Variants in UBA6 observed in about 807,000 individuals in gnomAD.
UBA6 encodes ubiquitin-like modifier-activating enzyme 6.
UBA6 carries 87 observed loss-of-function variants against 148.3 expected under a neutral mutation model. The observed-to-expected ratio is 0.59, with a 90% CI of 0.49 to 0.70. The LOEUF (loss-of-function observed/expected upper bound fraction) is 0.70, where lower values mean the gene tolerates loss of function less well. Among genes scored for constraint, UBA6 ranks in the 30% least tolerant of loss-of-function variants. UBA6 has a pLI of 0.00. For missense variants in UBA6, 1,186 were observed against 1,241.2 expected, an observed-to-expected ratio of 0.96 and a Z score of 0.67; for synonymous variants, 376 against 401.0, an observed-to-expected ratio of 0.94 and a Z score of 0.75.
intron 2 of UBA6, among the ~76,000 whole-genome samples, chr4:67,696,310 T>C (rs1560505081): frequency 6.6e-6 from 1 of 151,964 alleles, no homozygotes; most frequent in African/African-American, 2.4e-5. Context: ...CTAAAACAAC[T>C]GAGATTTAAA....
At chr4:67,632,225 C>A (rs1469646362) in intron 23 of UBA6, among the ~76,000 whole-genome samples, 1 of 152,158 alleles carries the variant, frequency 6.6e-6, no homozygotes, top group African/African-American at 2.4e-5. Flanking sequence ...TTTTACATGT[C>A]ATTCTGTTCT....
chr4:67,675,234 G>C (rs1490345478), intron 6 of UBA6, among the ~76,000 whole-genome samples: 1 of 152,106 alleles, frequency 6.6e-6, no homozygotes, highest in African/African-American at 2.4e-5. Context: ...TCTATTCACT[G>C]TTTAATCTAT....
intron 2 of UBA6, among the ~76,000 whole-genome samples, chr4:67,694,171 G>A (rs184920691): frequency 2.5e-5 from 3 of 122,152 alleles, no homozygotes; most frequent in East Asian, 2.7e-4. Context: ...AGCCGAGATC[G>A]CGCCACTGCA....
chr4:67,616,854 C>T lies in UBA6; in HGVS notation c.*2143G>A, dbSNP rs748510459. ...AATAAGTAAAAAATACTCATTGAAA[C>T]TGTACAAAAATCAAATCATTAATTT... is the stretch of plus-strand genomic sequence containing the variant. On this transcript the variant is annotated 3_prime_UTR_variant, in exon 33 of 33. Transcript: ENST00000322244. 2 of 152,104 alleles carry T rather than the reference C, an allele frequency of 1.3e-5. No homozygotes were observed. The highest frequency in any genetic ancestry group is 2.9e-5 in the Non-Finnish European group (2 of 67,968). The allele number at this position is 152,104 out of a possible 1,614,324, so 9.4% of individuals were successfully genotyped here.
chr4:67,631,815 TAATA>T, intron 24 of UBA6, 38 bp downstream of exon 24: 1 of 1,609,588 alleles, frequency 6.2e-7, no homozygotes, highest in Non-Finnish European at 8.5e-7. Flanking sequence ...ATGTAGCCAG[TAATA>T]AATGTCATTA....
At chr4:67,699,884 G>A (rs573443470) in intron 1 of UBA6, among the ~76,000 whole-genome samples, 6 of 152,288 alleles carry the variant, frequency 3.9e-5, no homozygotes, top group African/African-American at 1.4e-4. Context: ...GATTGCAAGC[G>A]TTTGAGCCAC....
chr4:67,626,697 T>C (rs1667138482), intron 27 of UBA6, among the ~76,000 whole-genome samples: 1 of 151,928 alleles, frequency 6.6e-6, no homozygotes, highest in African/African-American at 2.4e-5. Flanking sequence ...CACAGGCATG[T>C]AAGCTCTATA....
chr4:67,674,016 C>T lies in UBA6; in HGVS notation c.466-239G>A, dbSNP rs144840282. On this transcript the variant is annotated intron_variant, in intron 6 of 32. Coordinates refer to ENST00000322244, the MANE Select transcript of UBA6 (RefSeq NM_018227.6). ...CACATAAAACTTGATAACCATCACA[C>T]GCTTTATGATTAGAAGCAAACCTTA... 2.0e-4 allele frequency among the ~76,000 whole-genome samples: 30 copies of T among 152,268 alleles called. No individual in the cohort carries two copies. In the East Asian group the frequency reaches 5.6e-3, roughly 28 times the overall value.
At chr4:67,659,075 C>T (rs1262450452) in intron 13 of UBA6, among the ~76,000 whole-genome samples, 1 of 152,202 alleles carries the variant, frequency 6.6e-6, no homozygotes, top group East Asian at 1.9e-4. Flanking sequence ...TCACATTCTT[C>T]TGTTTAATCA....
rs1728626659 is a variant in UBA6, at chr4:67,616,378, A to G, written c.*2619T>C. The G allele has an allele frequency of 1.4e-5, 5 of 346,752 alleles. No homozygotes were observed. Among genetic ancestry groups the G allele is most frequent in the Non-Finnish European group, 2.1e-5 (4 of 194,074 alleles). 21.5% of individuals were successfully genotyped at this position (346,752 alleles called of 1,614,324 possible). On this transcript the variant is annotated 3_prime_UTR_variant, in exon 33 of 33. Coordinates refer to ENST00000322244, the MANE Select transcript of UBA6 (RefSeq NM_018227.6). ...TCATTTTACTAATTATAAAATAAACATAGTTGCTTTTTTAATGTTCCATGA... is the reference window on the plus strand; with the variant it reads ...TCATTTTACTAATTATAAAATAAACGTAGTTGCTTTTTTAATGTTCCATGA...
chr4:67,688,260 T>C (rs991794913), intron 2 of UBA6, among the ~76,000 whole-genome samples: 1 of 152,146 alleles, frequency 6.6e-6, no homozygotes, highest in Non-Finnish European at 1.5e-5. Flanking sequence ...CAATGGAGGG[T>C]ACTTTCATAA....
At chr4:67,681,648 T>A (rs1730442327) in intron 3 of UBA6, 57 bp from the exon 4 acceptor site, 3 of 1,218,294 alleles carry the variant, frequency 2.5e-6, no homozygotes, top group East Asian at 5.1e-5. Context: ...ACTAGATATG[T>A]CTTCACAGAG....
intron 27 of UBA6, among the ~76,000 whole-genome samples, chr4:67,627,958 G>A (rs1230552404): frequency 3.9e-4 from 36 of 92,912 alleles, no homozygotes; most frequent in Non-Finnish European, 4.9e-4. Context: ...TTTTTTCAAT[G>A]TATTTGCCTG....
rs1728609636 is a variant in UBA6, at chr4:67,615,594, T to C, written c.*3403A>G. 1 of 152,226 alleles carries C rather than the reference T, an allele frequency of 6.6e-6. No homozygotes were observed. Among genetic ancestry groups the C allele is most frequent in the Admixed American group, 6.5e-5 (1 of 15,274 alleles). The allele number at this position is 152,226 out of a possible 1,614,324, so 9.4% of individuals were successfully genotyped here. A position where few individuals can be genotyped will look rare whatever the true frequency, so the allele number is the denominator to read the frequency against. On this transcript the variant is annotated 3_prime_UTR_variant, in exon 33 of 33. Transcript: ENST00000322244. ...AGGAGTTACATAAAATGATGTTCAT[T>C]GTGAAACTGTAATTGCCTGAAACTA...
At position 67,616,464 on chromosome 4, in the gene UBA6, C is replaced by G. The variant is rs1004072359; in HGVS notation, c.*2533G>C. On this transcript the variant is annotated 3_prime_UTR_variant, in exon 33 of 33. Transcript: ENST00000322244. ...AAAGATATACATTTATTTCCATGTC[C>G]TACCTTTGGGACAATTTATGAGGAA... 1.4e-5 allele frequency: 3 copies of G among 220,470 alleles called. No homozygotes were observed. The highest frequency in any genetic ancestry group is 2.7e-5 in the Non-Finnish European group (3 of 113,202). The allele number at this position is 220,470 out of a possible 1,614,324, so 13.7% of individuals were successfully genotyped here. A position where few individuals can be genotyped will look rare whatever the true frequency, so the allele number is the denominator to read the frequency against.
At chr4:67,646,853 C>G (rs1386202623) in intron 14 of UBA6, 62 bp from the exon 15 acceptor site, 2 of 1,055,908 alleles carry the variant, frequency 1.9e-6, no homozygotes, top group South Asian at 2.0e-5. Context: ...TAAAAAGAAG[C>G]TCCTTTATAG....
At chr4:67,646,842 AT>A in intron 14 of UBA6, 51 bp from the exon 15 acceptor site, 1 of 1,217,278 alleles carries the variant, frequency 8.2e-7, no homozygotes, top group Non-Finnish European at 1.1e-6. Flanking sequence ...ACAAATTACT[AT>A]AAAAAGAAGC....
At chr4:67,628,362 C>T (rs530262497) in intron 27 of UBA6, among the ~76,000 whole-genome samples, 99 of 151,960 alleles carry the variant, frequency 6.5e-4, no homozygotes, top group African/African-American at 2.2e-3. Flanking sequence ...CTCTTCTAGA[C>T]GAGTCCTGAC....
At chr4:67,629,515 G>T (rs1046192287) in intron 26 of UBA6, among the ~76,000 whole-genome samples, 1 of 151,940 alleles carries the variant, frequency 6.6e-6, no homozygotes, top group African/African-American at 2.4e-5. Flanking sequence ...GTTCCCTGAA[G>T]TAAGTTATAC....
Sources: allele counts gnomAD v4.1 joint callset (sites outside exome capture counted in the v4.1 genomes callset), GRCh38; gene constraint gnomAD v4.1.1; transcripts MANE v1.5; gene names NCBI Gene and HGNC (gene_info 2026-07-23, HGNC 2026-07-21).